The following MMD variants were observed in gnomAD, a reference collection of about 807,000 sequenced individuals.
MMD encodes monocyte to macrophage differentiation factor.
Under a neutral mutation model 33.6 loss-of-function variants are expected in MMD, and 22 were observed. The ratio of observed to expected loss-of-function variants is 0.66; its 90% confidence interval spans 0.47 to 0.94. The LOEUF is 0.94. Ranked by LOEUF, MMD falls within the 40% of genes least tolerant of loss-of-function variation. The pLI is 0.00. For synonymous variants in MMD, 97 were observed against 103.2 expected, an observed-to-expected ratio of 0.94 and a Z score of 0.36; for missense variants, 242 against 309.8, an observed-to-expected ratio of 0.78 and a Z score of 1.64.
chr17:55,417,006 C>T (rs1270399251), intron 1 of MMD, among the ~76,000 whole-genome samples: 3 of 152,184 alleles, frequency 2.0e-5, no homozygotes, highest in African/African-American at 2.4e-5. Context: ...CCCCATACCC[C>T]TCTCCCATGC....
intron 1 of MMD, among the ~76,000 whole-genome samples, chr17:55,420,975 T>C (rs1908163191): frequency 6.6e-6 from 1 of 152,040 alleles, no homozygotes; most frequent in African/African-American, 2.4e-5. Context: ...CTCCTCCTCG[T>C]TTCCTAACAC....
chr17:55,416,650 A>G lies in MMD; in HGVS notation c.27-2418T>C, dbSNP rs144291211. On this transcript the variant is annotated intron_variant, in intron 1 of 6. Transcript: ENST00000262065. ...AGCCTCCTGAAGAAATCACTCCTAA[A>G]ACCTAAATGGAAAAGCAGATGTAAA... Among the ~76,000 whole-genome samples, 356 of 152,250 alleles carry G rather than the reference A, an allele frequency of 2.3e-3. 1 individual carries two copies. Among genetic ancestry groups the G allele is most frequent in the African/African-American group, 8.4e-3 (349 of 41,538 alleles).
intron 2 of MMD, among the ~76,000 whole-genome samples, chr17:55,412,069 C>T (rs1357580225): frequency 6.6e-6 from 1 of 151,984 alleles, no homozygotes; most frequent in East Asian, 1.9e-4. Context: ...AGAGTGAGAC[C>T]CCATTTCAAA....
chr17:55,417,507 G>A (rs937777541), intron 1 of MMD, among the ~76,000 whole-genome samples: 28 of 152,164 alleles, frequency 1.8e-4, no homozygotes, highest in African/African-American at 6.7e-4. Context: ...AAACAGATGA[G>A]GGGCTGGGCA....
intron 1 of MMD, among the ~76,000 whole-genome samples, chr17:55,415,837 A>G (rs536789832): frequency 6.6e-6 from 1 of 152,362 alleles, no homozygotes; most frequent in African/African-American, 2.4e-5. Flanking sequence ...ACTGTTAAAG[A>G]GAAATATACA....
At chr17:55,419,283 G>T (rs1598436923) in intron 1 of MMD, among the ~76,000 whole-genome samples, 1 of 152,256 alleles carries the variant, frequency 6.6e-6, no homozygotes, top group African/African-American at 2.4e-5. Flanking sequence ...GAGATGCTAT[G>T]AAGGGGAGAG....
intron 6 of MMD, among the ~76,000 whole-genome samples, chr17:55,397,844 T>C (rs1029050806): frequency 1.3e-5 from 2 of 151,888 alleles, no homozygotes; most frequent in Non-Finnish European, 2.9e-5. Context: ...CCCGGACCCT[T>C]TCAGCATTTT....
intron 2 of MMD, among the ~76,000 whole-genome samples, chr17:55,413,802 C>G (rs1907855535): frequency 6.6e-6 from 1 of 152,158 alleles, no homozygotes; most frequent in Non-Finnish European, 1.5e-5. Context: ...CAAATGAACA[C>G]AGTTGATTGT....
At chr17:55,421,583 G>GAGGAGCC in intron 1 of MMD, 87 bp downstream of exon 1, 1 of 1,556,374 alleles carries the variant, frequency 6.4e-7, no homozygotes, top group Non-Finnish European at 8.7e-7. Flanking sequence ...GAATCCAGGT[G>GAGGAGCC]AGGAGCCGGG....
intron 6 of MMD, among the ~76,000 whole-genome samples, chr17:55,399,843 G>A (rs1907257723): frequency 6.6e-6 from 1 of 152,234 alleles, no homozygotes; most frequent in Admixed American, 6.5e-5. Context: ...ACCTGCTATT[G>A]TACCACTTAT....
At chr17:55,418,765 A>G (rs550630370) in intron 1 of MMD, among the ~76,000 whole-genome samples, 1 of 152,356 alleles carries the variant, frequency 6.6e-6, no homozygotes, top group Middle Eastern at 3.4e-3. Context: ...GAAAAAAGAC[A>G]ATAGGTAGCC....
chr17:55,401,475 T>C lies in MMD; in HGVS notation c.510A>G (p.Thr170=). Residue 170 remains threonine (T), a synonymous_variant, in exon 6 of 7, where the codon ACA becomes ACG. Transcript: ENST00000262065. ...TMGFSPALVV[T]SMNNTDGLQE... ...TTCTGAAGCCATGTCTTACCATTGA[T>C]GTCACCACCAAGGCTGGAGAGAATC... is the stretch of plus-strand genomic sequence containing the variant. 1 of 1,608,702 alleles carries C rather than the reference T, an allele frequency of 6.2e-7. No homozygotes were observed. The highest frequency in any genetic ancestry group is 8.5e-7 in the Non-Finnish European group (1 of 1,177,734).
chr17:55,410,415 C>G (rs1047967405), intron 3 of MMD, among the ~76,000 whole-genome samples: 11 of 152,132 alleles, frequency 7.2e-5, no homozygotes, highest in South Asian at 2.1e-4. Context: ...CTGAAACTTC[C>G]TTTTTTGAAA....
At chr17:55,394,579 GC>G (rs1292667477) in intron 6 of MMD, 45 bp from the exon 7 acceptor site, 4 of 1,344,202 alleles carry the variant, frequency 3.0e-6, no homozygotes, top group Admixed American at 3.4e-5. Flanking sequence ...ATGTTACTCT[GC>G]ATGGCAAGCT....
chr17:55,396,894 C>T (rs559399383), intron 6 of MMD, among the ~76,000 whole-genome samples: 2 of 152,020 alleles, frequency 1.3e-5, no homozygotes, highest in Non-Finnish European at 2.9e-5. Context: ...GGATTACAGG[C>T]GTGAGCCACC....
intron 6 of MMD, among the ~76,000 whole-genome samples, chr17:55,397,922 C>G (rs976287314): frequency 5.3e-5 from 8 of 151,880 alleles, no homozygotes; most frequent in African/African-American, 1.9e-4. Flanking sequence ...CATCTTCTCT[C>G]CTTGCTCTTT....
chr17:55,403,757 T>A lies in MMD; in HGVS notation c.446+10A>T. The A allele has an allele frequency of 6.3e-7, 1 of 1,592,294 alleles. No individual in the cohort carries two copies. The highest frequency in any genetic ancestry group is 8.6e-7 in the Non-Finnish European group (1 of 1,165,848). On this transcript the variant is annotated intron_variant, in intron 5 of 6. Transcript: ENST00000262065. ...TTTAAAACTATCAAATGTAAATTATTTTCTCTTACTTTTCATGGTAGAGAA... is the reference window on the plus strand; with the variant it reads ...TTTAAAACTATCAAATGTAAATTATATTCTCTTACTTTTCATGGTAGAGAA...
Position 55,420,846 on chromosome 17 carries a change from T to C in MMD, c.26+824A>G, listed in dbSNP as rs186001556. 2.7e-3 allele frequency among the ~76,000 whole-genome samples: 407 copies of C among 152,232 alleles called. 3 individuals are homozygous for C. Among genetic ancestry groups the C allele is most frequent in the African/African-American group, 9.6e-3 (399 of 41,536 alleles). On this transcript the variant is annotated intron_variant, in intron 1 of 6. Coordinates refer to ENST00000262065, the MANE Select transcript of MMD (RefSeq NM_012329.3). ...AGAGTCATGGGCTAACCTCCATCCA[T>C]TGTTAGACGGTGGAGCCCCAGAGGG...
At chr17:55,408,127 T>C (rs1482802067) in intron 3 of MMD, among the ~76,000 whole-genome samples, 2 of 152,216 alleles carry the variant, frequency 1.3e-5, no homozygotes, top group African/African-American at 4.8e-5. Flanking sequence ...TGTCTTTTTC[T>C]GATGTTTTCC....
Sources: allele counts gnomAD v4.1 joint callset (sites outside exome capture counted in the v4.1 genomes callset), GRCh38; gene constraint gnomAD v4.1.1; transcripts MANE v1.5; gene names NCBI Gene and HGNC (gene_info 2026-07-23, HGNC 2026-07-21).